Variants in FHIT observed in about 807,000 individuals in gnomAD.
FHIT encodes fragile histidine triad diadenosine triphosphatase.
In FHIT, 19 loss-of-function variants were observed where a neutral mutation model predicts 17.9. That is an observed-to-expected ratio of 1.06 (90% CI 0.74 to 1.56). The LOEUF (loss-of-function observed/expected upper bound fraction) is 1.56. Ranked by LOEUF, FHIT falls within the 40% of genes most tolerant of loss-of-function variation. The pLI, the probability that FHIT is intolerant of heterozygous loss-of-function variation, is 0.00. For missense variants in FHIT, 248 were observed against 189.2 expected (o/e 1.31, Z -1.82); for synonymous variants, 81 against 69.7 (o/e 1.16, Z -0.81).
intron 2 of FHIT, among the ~76,000 whole-genome samples, chr3:61,129,049 G>A (rs751601038): frequency 4.6e-5 from 7 of 152,178 alleles, no homozygotes. Flanking sequence ...CATACAAGCT[G>A]ATGTGCAGCT....
chr3:60,935,087 C>T (rs540036756), intron 3 of FHIT, among the ~76,000 whole-genome samples: 1 of 152,084 alleles, frequency 6.6e-6, no homozygotes, highest in South Asian at 2.1e-4. Context: ...AGATGGACAC[C>T]ATAAAAGCTG....
chr3:60,424,899 C>T (rs1327531549), intron 5 of FHIT, among the ~76,000 whole-genome samples: 1 of 152,158 alleles, frequency 6.6e-6, no homozygotes, highest in Non-Finnish European at 1.5e-5. Flanking sequence ...GATCCACAGG[C>T]TCTGAAGTTT....
At chr3:60,167,245 C>T (rs1444772880) in intron 5 of FHIT, among the ~76,000 whole-genome samples, 1 of 152,160 alleles carries the variant, frequency 6.6e-6, no homozygotes, top group Non-Finnish European at 1.5e-5. Flanking sequence ...CACTTTAAGC[C>T]TCATAGATAT....
intron 5 of FHIT, among the ~76,000 whole-genome samples, chr3:60,131,002 C>CATATGTGTATATATACACATATATAT (rs1559661351): frequency 1.4e-5 from 1 of 69,212 alleles, no homozygotes; most frequent in Non-Finnish European, 2.7e-5. Context: ...CACATATATA[C>CATATGTGTATATATACACATATATAT]ATATGTGTAT....
intron 2 of FHIT, among the ~76,000 whole-genome samples, chr3:61,042,640 A>T (rs781740554): frequency 6.6e-6 from 1 of 152,026 alleles, no homozygotes; most frequent in Non-Finnish European, 1.5e-5. Context: ...GCCGTTCGAG[A>T]CCAGCCTGGC....
chr3:60,360,076 T>G (rs972274427), intron 5 of FHIT, among the ~76,000 whole-genome samples: 1 of 151,580 alleles, frequency 6.6e-6, no homozygotes, highest in Admixed American at 6.6e-5. Flanking sequence ...GTTTGAAAGT[T>G]CCCCATTAGG....
At chr3:60,291,014 TA>T (rs760101033) in intron 5 of FHIT, among the ~76,000 whole-genome samples, 2 of 152,242 alleles carry the variant, frequency 1.3e-5, no homozygotes, top group East Asian at 1.9e-4. Context: ...GTGGATTAAT[TA>T]ATTAAAAATC....
At chr3:60,244,733 A>T (rs1474258921) in intron 5 of FHIT, among the ~76,000 whole-genome samples, 1 of 152,120 alleles carries the variant, frequency 6.6e-6, no homozygotes, top group Non-Finnish European at 1.5e-5. Context: ...GAGACTACAA[A>T]CATCTTGAAT....
intron 2 of FHIT, among the ~76,000 whole-genome samples, chr3:61,140,282 G>A (rs2106997598): frequency 6.6e-6 from 1 of 152,210 alleles, no homozygotes; most frequent in South Asian, 2.1e-4. Flanking sequence ...CTTTTACTAT[G>A]AGGAAAATGC....
At chr3:60,253,369 G>C (rs1468677732) in intron 5 of FHIT, among the ~76,000 whole-genome samples, 1 of 152,206 alleles carries the variant, frequency 6.6e-6, no homozygotes, top group South Asian at 2.1e-4. Context: ...CAACTCTGCT[G>C]AACAGCAATT....
chr3:60,222,367 T>A lies in FHIT; in HGVS notation c.104-208215A>T, dbSNP rs567138136. 4.6e-5 allele frequency among the ~76,000 whole-genome samples: 7 copies of A among 152,340 alleles called. No individual in the cohort carries two copies. In the East Asian group the frequency reaches 7.7e-4, roughly 17 times the overall value. ...CAACTTCAGTCATTCACCTGCTCTC[T>A]GGTATGGTTTCTGCCACTTCTGTGT... On this transcript the variant is annotated intron_variant, in intron 5 of 9. Coordinates refer to ENST00000492590, the MANE Select transcript of FHIT (RefSeq NM_002012.4).
At chr3:61,172,011 A>G (rs960820542) in intron 2 of FHIT, among the ~76,000 whole-genome samples, 1 of 152,182 alleles carries the variant, frequency 6.6e-6, no homozygotes, top group Non-Finnish European at 1.5e-5. Flanking sequence ...TGTTGTGACC[A>G]AAGTTGCTGC....
intron 5 of FHIT, among the ~76,000 whole-genome samples, chr3:60,424,187 G>A (rs1296818878): frequency 1.3e-5 from 2 of 152,098 alleles, no homozygotes; most frequent in Non-Finnish European, 2.9e-5. Flanking sequence ...GAAGTTCAGA[G>A]AGGTTAAATC....
intron 7 of FHIT, among the ~76,000 whole-genome samples, chr3:59,997,406 G>C (rs769973751): frequency 6.6e-6 from 1 of 152,082 alleles, no homozygotes; most frequent in Non-Finnish European, 1.5e-5. Flanking sequence ...ATAATAAAAA[G>C]AAAGAAAGGA....
chr3:61,135,192 A>C (rs951798387), intron 2 of FHIT, among the ~76,000 whole-genome samples: 1 of 152,250 alleles, frequency 6.6e-6, no homozygotes, highest in African/African-American at 2.4e-5. Context: ...TTAAGGAGAA[A>C]AAAAAAGAAT....
At chr3:59,975,450 G>A (rs1051152334) in intron 7 of FHIT, among the ~76,000 whole-genome samples, 43 of 151,826 alleles carry the variant, frequency 2.8e-4, no homozygotes, top group African/African-American at 1.0e-3. Context: ...CATAGTTCCT[G>A]GCCACACAGT....
At chr3:60,555,760 C>T (rs959818453) in intron 4 of FHIT, among the ~76,000 whole-genome samples, 1 of 152,216 alleles carries the variant, frequency 6.6e-6, no homozygotes, top group Non-Finnish European at 1.5e-5. Flanking sequence ...TGGCTGCCTA[C>T]TGGGGAGCAT....
intron 2 of FHIT, among the ~76,000 whole-genome samples, chr3:61,111,766 G>A (rs563636173): frequency 6.6e-6 from 1 of 152,226 alleles, no homozygotes; most frequent in Admixed American, 6.5e-5. Context: ...ATTGATTGAG[G>A]TCTTACTATA....
At chr3:59,954,532 C>G (rs763721500) in intron 7 of FHIT, among the ~76,000 whole-genome samples, 2 of 152,144 alleles carry the variant, frequency 1.3e-5, no homozygotes, top group Non-Finnish European at 2.9e-5. Context: ...GGAGACTCCT[C>G]TCCTGGGAAA....
Sources: allele counts gnomAD v4.1 joint callset (sites outside exome capture counted in the v4.1 genomes callset), GRCh38; gene constraint gnomAD v4.1.1; transcripts MANE v1.5; gene names NCBI Gene and HGNC (gene_info 2026-07-23, HGNC 2026-07-21).